CPS1: variants seen among roughly 807,000 people sequenced by gnomAD.
The protein encoded by CPS1 is carbamoyl-phosphate synthase [ammonia], mitochondrial.
In CPS1, 109 loss-of-function variants were observed where a neutral mutation model predicts 174.6. The observed-to-expected ratio is 0.62, with a 90% CI of 0.53 to 0.73. CPS1 has a LOEUF of 0.73. Among genes scored for constraint, CPS1 ranks in the 30% least tolerant of loss-of-function variants. The pLI, the probability that CPS1 is intolerant of heterozygous loss-of-function variation, is 0.00. For synonymous variants in CPS1, 637 were observed against 632.0 expected (o/e 1.01, Z -0.12); for missense variants, 1,689 against 1,821.9 (o/e 0.93, Z 1.33).
At chr2:210,589,594 C>A (rs527466426) in intron 7 of CPS1, among the ~76,000 whole-genome samples, 1 of 152,162 alleles carries the variant, frequency 6.6e-6, no homozygotes, top group African/African-American at 2.4e-5. Flanking sequence ...ACTGAAACTT[C>A]TCTTGAGTGC....
intron 21 of CPS1, chr2:210,618,928 A>G (rs1699409124): frequency 6.6e-6 from 1 of 151,946 alleles, no homozygotes; most frequent in Non-Finnish European, 1.5e-5. Context: ...GTTCTTTTTC[A>G]TTTGTATTTA....
intron 1 of CPS1, among the ~76,000 whole-genome samples, chr2:210,550,827 T>C (rs1043939432): frequency 5.3e-5 from 8 of 151,892 alleles, no homozygotes; most frequent in Admixed American, 5.3e-4. Flanking sequence ...ATTATTATTT[T>C]TTTACTTTCA....
chr2:210,520,876 T>G (rs1695804916), intron 1 of CPS1, among the ~76,000 whole-genome samples: 1 of 152,058 alleles, frequency 6.6e-6, no homozygotes, highest in Admixed American at 6.6e-5. Flanking sequence ...TTTGGGTTTG[T>G]TTTTAGCTAC....
intron 4 of CPS1, 44 bp from the exon 5 acceptor site, chr2:210,579,670 T>A (rs1477704456): frequency 6.8e-7 from 1 of 1,480,138 alleles, no homozygotes; most frequent in East Asian, 2.3e-5. Flanking sequence ...ATGCTGGATT[T>A]AATCTCCTCC....
At chr2:210,606,145 T>A (rs1698899879) in intron 17 of CPS1, among the ~76,000 whole-genome samples, 1 of 151,890 alleles carries the variant, frequency 6.6e-6, no homozygotes, top group Admixed American at 6.6e-5. Context: ...GTGAGCTCTA[T>A]TAAAAGGAAT....
At chr2:210,593,514 T>A in intron 11 of CPS1, 2 of 987,172 alleles carry the variant, frequency 2.0e-6, no homozygotes, top group African/African-American at 3.5e-5. Flanking sequence ...ATATTTTTAC[T>A]TTTTTGTGTG....
upstream of CPS1, among the ~76,000 whole-genome samples, chr2:210,554,593 G>A (rs1246222088): frequency 1.3e-5 from 2 of 151,728 alleles, no homozygotes; most frequent in Non-Finnish European, 2.9e-5. Flanking sequence ...CATTGCATGG[G>A]TACCTTAGGG....
chr2:210,612,326 T>C, intron 20 of CPS1, 33 bp downstream of exon 20: 2 of 1,609,182 alleles, frequency 1.2e-6, no homozygotes, highest in Non-Finnish European at 1.7e-6. Context: ...CAGCTACTAG[T>C]TGCTTTTCCA....
At chr2:210,527,854 C>A (rs1385897469) in intron 1 of CPS1, among the ~76,000 whole-genome samples, 2 of 151,626 alleles carry the variant, frequency 1.3e-5, no homozygotes, top group East Asian at 1.9e-4. Context: ...AGTCATACAG[C>A]TTTAAAATTT....
chr2:210,530,192 A>C (rs1696081525), intron 1 of CPS1, among the ~76,000 whole-genome samples: 3 of 152,076 alleles, frequency 2.0e-5, no homozygotes, highest in South Asian at 4.1e-4. Context: ...ATCCATGTAC[A>C]AATGGCTTGT....
At chr2:210,670,241 A>T (rs1701255191) in intron 34 of CPS1, among the ~76,000 whole-genome samples, 1 of 152,178 alleles carries the variant, frequency 6.6e-6, no homozygotes. Context: ...AAGGAACTTA[A>T]TAAAATTATA....
chr2:210,559,560 A>G (rs1697031189), intron 1 of CPS1, among the ~76,000 whole-genome samples: 1 of 152,162 alleles, frequency 6.6e-6, no homozygotes, highest in African/African-American at 2.4e-5. Flanking sequence ...AAGGGTATAA[A>G]TGATCAACAA....
intron 1 of CPS1, among the ~76,000 whole-genome samples, chr2:210,560,152 AATC>A (rs1426890066): frequency 3.9e-5 from 6 of 152,240 alleles, no homozygotes; most frequent in Non-Finnish European, 5.9e-5. Flanking sequence ...TGAAGCAAAT[AATC>A]TTTTTTTTTC....
chr2:210,617,565 C>T (rs1199167816), intron 21 of CPS1: 1 of 151,976 alleles, frequency 6.6e-6, no homozygotes, highest in African/African-American at 2.4e-5. Flanking sequence ...TGTGTACAAA[C>T]TAGGTAATAA....
chr2:210,566,928 C>G (rs1697323657), intron 1 of CPS1, among the ~76,000 whole-genome samples: 1 of 151,994 alleles, frequency 6.6e-6, no homozygotes, highest in Non-Finnish European at 1.5e-5. Flanking sequence ...CTTCATAATT[C>G]TGTTTGAAGT....
chr2:210,594,718 G>C (rs756677364), intron 12 of CPS1, 112 bp downstream of exon 12: 1 of 758,604 alleles, frequency 1.3e-6, no homozygotes, highest in Non-Finnish European at 2.3e-6. Context: ...AAAGATGACT[G>C]GTAATATTGT....
intron 21 of CPS1, chr2:210,617,725 A>T (rs1699358826): frequency 6.6e-6 from 1 of 152,028 alleles, no homozygotes. Flanking sequence ...CTTTCTAGTG[A>T]TCACATAAAA....
In CPS1 at chr2:210,664,870, A is replaced by G. The variant is rs147899513; in HGVS notation, c.4002+1673A>G. 3.6e-3 allele frequency among the ~76,000 whole-genome samples: 553 copies of G among 152,308 alleles called. 2 individuals carry two copies. Among genetic ancestry groups the G allele is most frequent in the Non-Finnish European group, 5.6e-3 (380 of 68,026 alleles). On this transcript the variant is annotated intron_variant, in intron 33 of 37. Transcript: ENST00000233072. ...CTGACATCAGAATTCTAGCTTAGTAAAATCTTAATTATGCTTCAAAGAGAC... is the reference window on the plus strand; with the variant it reads ...CTGACATCAGAATTCTAGCTTAGTAGAATCTTAATTATGCTTCAAAGAGAC...
chr2:210,670,426 A>G lies in CPS1; in HGVS notation c.4101+2142A>G, dbSNP rs369029248. 6.6e-5 allele frequency among the ~76,000 whole-genome samples: 10 copies of G among 152,134 alleles called. 1 individual carries two copies. The highest frequency in any genetic ancestry group is 2.4e-4 in the African/African-American group (10 of 41,446). On this transcript the variant is annotated intron_variant, in intron 34 of 37. Coordinates refer to ENST00000233072, the MANE Select transcript of CPS1 (RefSeq NM_001875.5). ...TAATAGCTATAAAACTTACTTGACT[A>G]CTTCTTAGTTAGTATGGGGCCAAAT...
Sources: gnomAD v4.1 joint callset for allele counts (sites outside exome capture counted in the v4.1 genomes callset) on GRCh38, gnomAD v4.1.1 for gene constraint, MANE v1.5 for transcripts, NCBI Gene and HGNC (gene_info 2026-07-23, HGNC 2026-07-21) for gene names.